DGKB: variants seen among roughly 807,000 people sequenced by gnomAD.
DGKB encodes the protein diacylglycerol kinase beta.
DGKB carries 67 observed loss-of-function variants against 114.3 expected under a neutral mutation model. The ratio of observed to expected loss-of-function variants is 0.59; its 90% CI spans 0.48 to 0.72. The LOEUF is 0.72. Ranked by LOEUF, DGKB falls within the 30% of genes least tolerant of loss-of-function variation. The pLI, the probability that DGKB is intolerant of heterozygous loss-of-function variation, is 0.00. For synonymous variants in DGKB, 398 were observed against 323.1 expected (o/e 1.23, Z -2.49); for missense variants, 907 against 975.2 (o/e 0.93, Z 0.93).
At chr7:14,181,498 C>T (rs1303520228) in intron 23 of DGKB, among the ~76,000 whole-genome samples, 1 of 152,154 alleles carries the variant, frequency 6.6e-6, no homozygotes, top group Non-Finnish European at 1.5e-5. Flanking sequence ...TATCACGGAA[C>T]ACCAAAAGTT....
intron 1 of DGKB, among the ~76,000 whole-genome samples, chr7:14,862,163 C>A (rs942221816): frequency 6.6e-6 from 1 of 151,804 alleles, no homozygotes; most frequent in Non-Finnish European, 1.5e-5. Context: ...GTAAAATTGA[C>A]AAATAAAAAT....
chr7:14,557,185 A>G (rs1671848456), intron 20 of DGKB, among the ~76,000 whole-genome samples: 1 of 152,196 alleles, frequency 6.6e-6, no homozygotes, highest in Non-Finnish European at 1.5e-5. Context: ...AAATTTAAGA[A>G]CCACTATCTT....
intron 23 of DGKB, among the ~76,000 whole-genome samples, chr7:14,252,515 G>A (rs1795386468): frequency 6.6e-6 from 1 of 152,140 alleles, no homozygotes; most frequent in Non-Finnish European, 1.5e-5. Flanking sequence ...ATGAGGTTCA[G>A]GGGCAGGCTG....
intron 1 of DGKB, among the ~76,000 whole-genome samples, chr7:14,885,908 T>G (rs1048540695): frequency 2.6e-5 from 4 of 151,840 alleles, no homozygotes; most frequent in African/African-American, 9.7e-5. Context: ...TTTTTTCTTT[T>G]TGCTTGAATG....
At chr7:14,152,587 T>C (rs540993055) in intron 25 of DGKB, among the ~76,000 whole-genome samples, 2 of 152,208 alleles carry the variant, frequency 1.3e-5, no homozygotes, top group African/African-American at 4.8e-5. Flanking sequence ...CCACTGCCCA[T>C]GACTATTTCT....
intron 23 of DGKB, among the ~76,000 whole-genome samples, chr7:14,271,247 A>G (rs960585906): frequency 3.9e-5 from 6 of 152,172 alleles, no homozygotes; most frequent in Admixed American, 6.5e-5. Flanking sequence ...TCAAAGAGAG[A>G]TAACATGAGA....
At chr7:14,855,994 T>TATAC (rs1329346128) in intron 1 of DGKB, among the ~76,000 whole-genome samples, 1 of 29,936 alleles carries the variant, frequency 3.3e-5, no homozygotes, top group East Asian at 2.8e-3. Flanking sequence ...TGTGTATATA[T>TATAC]ATATATATAC....
chr7:14,877,331 G>C (rs942133873), intron 1 of DGKB, among the ~76,000 whole-genome samples: 1 of 152,116 alleles, frequency 6.6e-6, no homozygotes, highest in Non-Finnish European at 1.5e-5. Context: ...TGAGGCTGGC[G>C]GATCACCTGA....
Position 14,843,556 on chromosome 7 carries a change from G to T in DGKB, c.-187-2106C>A, listed in dbSNP as rs546967838. Reference sequence around the variant, plus strand: ...TCACCTTGTTAGCCAGGATGGTCTCGATCTCCTGACCTCATGATCCACCCG... The same window carrying T: ...TCACCTTGTTAGCCAGGATGGTCTCTATCTCCTGACCTCATGATCCACCCG... On this transcript the variant is annotated intron_variant, in intron 1 of 25. Transcript: ENST00000402815. Among the ~76,000 whole-genome samples the T allele has an allele frequency of 2.2e-3, 337 of 151,108 alleles. 1 individual carries two copies. Among genetic ancestry groups the T allele is most frequent in the African/African-American group, 8.0e-3 (331 of 41,206 alleles).
intron 14 of DGKB, among the ~76,000 whole-genome samples, chr7:14,627,532 C>CT (rs1331515429): frequency 2.0e-5 from 3 of 151,850 alleles, no homozygotes; most frequent in Non-Finnish European, 4.4e-5. Context: ...TCAATTTTGG[C>CT]TATGTGCTAG....
At chr7:14,172,131 TA>T (rs1281811210) in intron 25 of DGKB, among the ~76,000 whole-genome samples, 4 of 152,104 alleles carry the variant, frequency 2.6e-5, no homozygotes, top group African/African-American at 9.7e-5. Flanking sequence ...GTTACCAAAC[TA>T]AAGAAGAGGA....
At chr7:14,314,362 G>GCTTTT (rs1806059301) in intron 23 of DGKB, among the ~76,000 whole-genome samples, 1 of 151,236 alleles carries the variant, frequency 6.6e-6, no homozygotes, top group Non-Finnish European at 1.5e-5. Context: ...CAAACCAAAG[G>GCTTTT]CAAAGAAGTT....
At chr7:14,281,096 G>A (rs907691699) in intron 23 of DGKB, among the ~76,000 whole-genome samples, 2 of 147,448 alleles carry the variant, frequency 1.4e-5, no homozygotes, top group African/African-American at 2.5e-5. Flanking sequence ...ACCCATCAGT[G>A]TGCTGTATTC....
chr7:14,835,750 T>G (rs1243775164), intron 2 of DGKB, among the ~76,000 whole-genome samples: 2 of 152,192 alleles, frequency 1.3e-5, no homozygotes, highest in African/African-American at 2.4e-5. Flanking sequence ...GGATTCTAGC[T>G]TTTCCTATTT....
chr7:14,288,476 T>C (rs1314609160), intron 23 of DGKB, among the ~76,000 whole-genome samples: 1 of 152,096 alleles, frequency 6.6e-6, no homozygotes, highest in African/African-American at 2.4e-5. Flanking sequence ...CTAGTAGTTA[T>C]GCCTAATTGA....
chr7:14,890,896 T>TCAGA (rs1284795746), intron 1 of DGKB, among the ~76,000 whole-genome samples: 1 of 151,022 alleles, frequency 6.6e-6, no homozygotes, highest in South Asian at 2.1e-4. Flanking sequence ...TCCCTAAATC[T>TCAGA]AACTTACGCT....
intron 21 of DGKB, among the ~76,000 whole-genome samples, chr7:14,397,279 G>A (rs1162275807): frequency 1.3e-5 from 2 of 152,126 alleles, no homozygotes; most frequent in Non-Finnish European, 2.9e-5. Flanking sequence ...AATTGTGAGT[G>A]CGCTGACCTG....
At chr7:14,472,136 C>T (rs915389306) in intron 21 of DGKB, among the ~76,000 whole-genome samples, 1 of 152,182 alleles carries the variant, frequency 6.6e-6, no homozygotes, top group Non-Finnish European at 1.5e-5. Context: ...TGAAATCATG[C>T]TATGACTAGA....
At chr7:14,716,343 T>A (rs1010123283) in intron 6 of DGKB, among the ~76,000 whole-genome samples, 2 of 152,208 alleles carry the variant, frequency 1.3e-5, no homozygotes, top group Non-Finnish European at 2.9e-5. Context: ...TGATGTGTGA[T>A]AAAGTTTGAG....
Sources: allele counts gnomAD v4.1 joint callset (sites outside exome capture counted in the v4.1 genomes callset), GRCh38; gene constraint gnomAD v4.1.1; transcripts MANE v1.5; gene names NCBI Gene and HGNC (gene_info 2026-07-23, HGNC 2026-07-21).